Variants in WWOX observed in about 807,000 individuals in gnomAD.
WWOX encodes WW domain-containing oxidoreductase.
WWOX carries 69 observed loss-of-function variants against 46.2 expected under a neutral mutation model. The ratio of observed to expected loss-of-function variants is 1.49; its 90% CI spans 1.23 to 1.82. The LOEUF (loss-of-function observed/expected upper bound fraction) is 1.82, where lower values mean the gene tolerates loss of function less well. WWOX is among the 40% of genes most tolerant of loss of function. WWOX has a pLI of 0.00. For synonymous variants in WWOX, 359 were observed against 202.6 expected, an observed-to-expected ratio of 1.77 and a Z score of -6.56; for missense variants, 919 against 542.6, an observed-to-expected ratio of 1.69 and a Z score of -6.89.
chr16:78,769,188 G>C (rs574281844), intron 8 of WWOX, among the ~76,000 whole-genome samples: 1 of 152,326 alleles, frequency 6.6e-6, no homozygotes, highest in East Asian at 1.9e-4. Flanking sequence ...GCTGCAAAGA[G>C]ATTCATATAT....
At chr16:78,335,212 CT>C (rs776393525) in intron 5 of WWOX, among the ~76,000 whole-genome samples, 15 of 152,170 alleles carry the variant, frequency 9.9e-5, no homozygotes, top group Non-Finnish European at 1.9e-4. Flanking sequence ...CGGTGGTTTG[CT>C]GCAGAGATCA....
At chr16:78,749,676 G>A (rs2049431156) in intron 8 of WWOX, among the ~76,000 whole-genome samples, 1 of 152,156 alleles carries the variant, frequency 6.6e-6, no homozygotes. Flanking sequence ...AAAAATTATA[G>A]ACCTCAAAAT....
At chr16:78,830,608 A>T (rs753457036) in intron 8 of WWOX, among the ~76,000 whole-genome samples, 4 of 152,036 alleles carry the variant, frequency 2.6e-5, no homozygotes, top group Non-Finnish European at 5.9e-5. Flanking sequence ...TTAAGCCTTC[A>T]GACAATCGAA....
chr16:78,357,880 CAGTT>C (rs1233501608), intron 5 of WWOX, among the ~76,000 whole-genome samples: 3 of 152,178 alleles, frequency 2.0e-5, no homozygotes, highest in Non-Finnish European at 2.9e-5. Flanking sequence ...GATTCAAACT[CAGTT>C]AGGCTGACTT....
intron 5 of WWOX, among the ~76,000 whole-genome samples, chr16:78,252,521 G>T (rs1487892830): frequency 6.6e-6 from 1 of 152,142 alleles, no homozygotes; most frequent in South Asian, 2.1e-4. Flanking sequence ...AAGTACACTA[G>T]CAAACACTTT....
intron 8 of WWOX, among the ~76,000 whole-genome samples, chr16:78,978,682 C>T (rs11150126): frequency 6.6e-5 from 10 of 152,180 alleles, no homozygotes; most frequent in African/African-American, 2.4e-4. Flanking sequence ...CATCTTACAT[C>T]GCCAGAGCAG....
intron 6 of WWOX, among the ~76,000 whole-genome samples, chr16:78,415,963 G>A (rs183343025): frequency 6.6e-6 from 1 of 152,238 alleles, no homozygotes; most frequent in Non-Finnish European, 1.5e-5. Context: ...CCACTCATCA[G>A]AAAGGTGGAG....
chr16:78,757,050 C>T (rs544233832), intron 8 of WWOX: 4 of 702,634 alleles, frequency 5.7e-6, no homozygotes, highest in Non-Finnish European at 1.0e-5. Flanking sequence ...ATTCTGCAGC[C>T]CTAGTTAAGC....
chr16:78,746,871 G>T (rs892195879), intron 8 of WWOX, among the ~76,000 whole-genome samples: 1 of 152,094 alleles, frequency 6.6e-6, no homozygotes, highest in Admixed American at 6.6e-5. Flanking sequence ...TTGAAATTTT[G>T]AGGTTGTTTG....
intron 8 of WWOX, among the ~76,000 whole-genome samples, chr16:78,809,556 A>C (rs1263532697): frequency 6.6e-6 from 1 of 152,070 alleles, no homozygotes; most frequent in Non-Finnish European, 1.5e-5. Flanking sequence ...AAATAGGTAG[A>C]AGTTAGCCTT....
intron 8 of WWOX, among the ~76,000 whole-genome samples, chr16:79,116,918 A>C (rs1254521798): frequency 8.5e-5 from 13 of 152,144 alleles, no homozygotes; most frequent in African/African-American, 1.4e-4. Flanking sequence ...TTGATAGTTG[A>C]AATTACTCTT....
rs116853211 is a variant in WWOX at position 78,425,929 on chromosome 16, T to G, written c.791+874T>G. ...TGTTTTAGTGACCCAGAATGAAGCT[T>G]ATTTTTTTAATCATACTTCCATAAA... On this transcript the variant is annotated intron_variant, in intron 7 of 8. Coordinates refer to ENST00000566780, the MANE Select transcript of WWOX (RefSeq NM_016373.4). Among the ~76,000 whole-genome samples the G allele has an allele frequency of 1.3e-4, 20 of 152,278 alleles. No individual in the cohort carries two copies. The East Asian group carries it at 3.7e-3, about 28-fold the overall frequency.
intron 8 of WWOX, among the ~76,000 whole-genome samples, chr16:78,998,430 A>G (rs141504822): frequency 6.6e-6 from 1 of 152,282 alleles, no homozygotes; most frequent in East Asian, 1.9e-4. Context: ...TGTTTGTAGA[A>G]GGAACTTGGA....
At chr16:78,249,196 G>A (rs552761777) in intron 5 of WWOX, among the ~76,000 whole-genome samples, 98 of 152,292 alleles carry the variant, frequency 6.4e-4, no homozygotes, top group Non-Finnish European at 1.1e-3. Context: ...ATGGTTAAAT[G>A]TCTTTCCCAA....
chr16:79,209,452 C>G (rs2051638608), intron 8 of WWOX, among the ~76,000 whole-genome samples: 1 of 152,184 alleles, frequency 6.6e-6, no homozygotes, highest in Non-Finnish European at 1.5e-5. Context: ...CTTGGCAGAA[C>G]AGTGAAAGGC....
chr16:78,370,671 T>A (rs531123798), intron 5 of WWOX, among the ~76,000 whole-genome samples: 2 of 152,212 alleles, frequency 1.3e-5, no homozygotes, highest in African/African-American at 4.8e-5. Flanking sequence ...CATCTAAGTT[T>A]CCATTCCTTA....
intron 8 of WWOX, among the ~76,000 whole-genome samples, chr16:78,960,773 CTATT>C (rs1432668596): frequency 1.3e-5 from 2 of 152,118 alleles, no homozygotes; most frequent in Non-Finnish European, 2.9e-5. Flanking sequence ...TGGGAGTTCT[CTATT>C]TAGTCACCTT....
chr16:79,211,224 G>A (rs944804134), intron 8 of WWOX, among the ~76,000 whole-genome samples: 3 of 152,082 alleles, frequency 2.0e-5, no homozygotes, highest in East Asian at 1.9e-4. Flanking sequence ...ATTTGGTATC[G>A]AATTACATTA....
intron 8 of WWOX, among the ~76,000 whole-genome samples, chr16:78,921,609 A>C (rs1205379744): frequency 6.6e-6 from 1 of 152,202 alleles, no homozygotes; most frequent in Non-Finnish European, 1.5e-5. Flanking sequence ...ACTGGAGCTC[A>C]GGGAGGTTAC....
Sources: allele counts gnomAD v4.1 joint callset (sites outside exome capture counted in the v4.1 genomes callset), GRCh38; gene constraint gnomAD v4.1.1; transcripts MANE v1.5; gene names NCBI Gene and HGNC (gene_info 2026-07-23, HGNC 2026-07-21).